The following USH2A variants were observed in gnomAD, a reference collection of about 807,000 sequenced individuals.
The protein encoded by USH2A is usherin.
Under a neutral mutation model 538.9 loss-of-function variants are expected in USH2A, and 443 were observed. The ratio of observed to expected loss-of-function variants is 0.82; its 90% CI spans 0.76 to 0.89. USH2A has a LOEUF of 0.89. USH2A is among the 40% of genes least tolerant of loss of function. USH2A has a pLI of 0.00. For synonymous variants in USH2A, 2,413 were observed against 2,273.5 expected (o/e 1.06, Z -1.75); for missense variants, 6,633 against 6,324.8 (o/e 1.05, Z -1.65).
intron 21 of USH2A, among the ~76,000 whole-genome samples, chr1:216,157,678 A>G (rs2033977093): frequency 6.6e-6 from 1 of 152,216 alleles, no homozygotes. Flanking sequence ...ACATGGATGC[A>G]GTTGGAGTTC....
chr1:215,677,219 T>C (rs1455681192), intron 62 of USH2A, among the ~76,000 whole-genome samples: 1 of 152,172 alleles, frequency 6.6e-6, no homozygotes, highest in South Asian at 2.1e-4. Flanking sequence ...GAAATATCTC[T>C]GTACCTACTG....
chr1:216,241,876 G>T (rs772513980), intron 13 of USH2A, among the ~76,000 whole-genome samples: 2 of 152,052 alleles, frequency 1.3e-5, no homozygotes, highest in Non-Finnish European at 2.9e-5. Flanking sequence ...AAGTACAGAC[G>T]CAACAAAACT....
At chr1:216,082,699 G>C (rs1165110843) in intron 26 of USH2A, among the ~76,000 whole-genome samples, 1 of 152,174 alleles carries the variant, frequency 6.6e-6, no homozygotes, top group Non-Finnish European at 1.5e-5. Context: ...ATTGTATTTA[G>C]AGAAATGTAT....
intron 71 of USH2A, among the ~76,000 whole-genome samples, 191 bp from the exon 72 acceptor site, chr1:215,626,061 A>G (rs568466252): frequency 4.6e-5 from 7 of 152,096 alleles, no homozygotes; most frequent in African/African-American, 1.7e-4. Context: ...TCACATGCAC[A>G]CATGAACTAT....
intron 61 of USH2A, among the ~76,000 whole-genome samples, chr1:215,681,512 G>A (rs1308971528): frequency 6.6e-6 from 1 of 152,148 alleles, no homozygotes; most frequent in Admixed American, 6.5e-5. Context: ...TTTCCTTGAT[G>A]AACAAGGGAA....
rs116312942 is a variant in USH2A at position 215,883,755 on chromosome 1, G to T, written c.8224-4657C>A. On this transcript the variant is annotated intron_variant, in intron 41 of 71. Coordinates refer to ENST00000307340, the MANE Select transcript of USH2A (RefSeq NM_206933.4). Reference sequence around the variant, plus strand: ...CTCTAGTTGGTTCCAATGACCATTTGTCTTTTTCATGCCAATACCATATTA... The same window carrying T: ...CTCTAGTTGGTTCCAATGACCATTTTTCTTTTTCATGCCAATACCATATTA... 8.6e-3 allele frequency among the ~76,000 whole-genome samples: 1,308 copies of T among 152,132 alleles called. 15 individuals carry two copies. The highest frequency in any genetic ancestry group is 0.029 in the African/African-American group (1,221 of 41,496).
At chr1:215,915,092 G>A (rs1437114264) in intron 38 of USH2A, among the ~76,000 whole-genome samples, 1 of 152,080 alleles carries the variant, frequency 6.6e-6, no homozygotes, top group East Asian at 1.9e-4. Context: ...ATAGTCCTAG[G>A]TGTGAAGTAG....
At chr1:216,220,259 A>T (rs1320162713) in intron 14 of USH2A, among the ~76,000 whole-genome samples, 1 of 151,858 alleles carries the variant, frequency 6.6e-6, no homozygotes, top group Non-Finnish European at 1.5e-5. Flanking sequence ...CATGGGTACT[A>T]TCAAATTGAT....
intron 4 of USH2A, among the ~76,000 whole-genome samples, chr1:216,338,404 G>A (rs1237235373): frequency 6.6e-6 from 1 of 151,388 alleles, no homozygotes; most frequent in African/African-American, 2.4e-5. Context: ...ACAAGAATGT[G>A]CCAATAAAGA....
At chr1:215,863,265 G>A (rs1664378733) in intron 44 of USH2A, among the ~76,000 whole-genome samples, 1 of 152,136 alleles carries the variant, frequency 6.6e-6, no homozygotes, top group African/African-American at 2.4e-5. Context: ...TACAACAGGT[G>A]CACAAGTGAC....
At chr1:216,287,996 G>A (rs183306284) in intron 11 of USH2A, among the ~76,000 whole-genome samples, 1 of 152,132 alleles carries the variant, frequency 6.6e-6, no homozygotes, top group African/African-American at 2.4e-5. Flanking sequence ...AAAGAGAGAA[G>A]AAGAAAAGTA....
chr1:216,312,665 C>CT (rs2037443170), intron 9 of USH2A, among the ~76,000 whole-genome samples: 2 of 152,090 alleles, frequency 1.3e-5, no homozygotes, highest in Admixed American at 1.3e-4. Flanking sequence ...TATCTTTCAG[C>CT]TTATATTGCC....
intron 32 of USH2A, among the ~76,000 whole-genome samples, chr1:216,014,074 A>C (rs1668643188): frequency 1.9e-5 from 2 of 104,414 alleles, no homozygotes; most frequent in Admixed American, 2.3e-4. Context: ...TTGAATAATA[A>C]AGCATGAAAA....
chr1:215,844,369 G>T lies in USH2A; in HGVS notation c.9183C>A (p.Leu3061=), dbSNP rs550185911. 6.2e-7 allele frequency: 1 copy of T among 1,613,800 alleles called. No homozygotes were observed. Among genetic ancestry groups the T allele is most frequent in the South Asian group, 1.1e-5 (1 of 91,080 alleles). ...TEYSIYVNNK[L]YKTGMNVPGS... is the part of the protein sequence containing the mutation. ...CAGGCACATTCATTCCAGTCTTGTA[G>T]AGCTTATTATTTACATAGATAGAAT... The change falls in exon 46 of 72, where the codon CTC becomes CTA. Residue 3061 remains leucine (L), a synonymous_variant. Coordinates refer to ENST00000307340, the MANE Select transcript of USH2A (RefSeq NM_206933.4).
At chr1:215,811,823 T>C (rs986966591) in intron 49 of USH2A, among the ~76,000 whole-genome samples, 4 of 151,454 alleles carry the variant, frequency 2.6e-5, no homozygotes, top group South Asian at 2.1e-4. Context: ...GGAGAATCGC[T>C]TGAACCTGGG....
At chr1:215,833,331 G>A (rs998301849) in intron 47 of USH2A, among the ~76,000 whole-genome samples, 24 of 151,850 alleles carry the variant, frequency 1.6e-4, no homozygotes, top group African/African-American at 5.3e-4. Context: ...AAGATTGTGC[G>A]ATATTGGTAT....
At chr1:216,069,992 C>A (rs2031502651) in intron 30 of USH2A, 109 bp downstream of exon 30, 2 of 1,280,522 alleles carry the variant, frequency 1.6e-6, no homozygotes, top group Non-Finnish European at 2.2e-6. Context: ...AGGTAAAATA[C>A]ATGTATATTT....
intron 19 of USH2A, among the ~76,000 whole-genome samples, chr1:216,193,666 C>T (rs541419403): frequency 6.6e-6 from 1 of 152,094 alleles, no homozygotes; most frequent in African/African-American, 2.4e-5. Flanking sequence ...CCAGAGGAGA[C>T]AGAGACACAG....
chr1:215,959,229 A>G (rs1667139693), intron 37 of USH2A, among the ~76,000 whole-genome samples: 1 of 152,118 alleles, frequency 6.6e-6, no homozygotes, highest in African/African-American at 2.4e-5. Flanking sequence ...AACCACCTAG[A>G]GATAACAGAT....
Sources: gnomAD v4.1 joint callset for allele counts (sites outside exome capture counted in the v4.1 genomes callset) on GRCh38, gnomAD v4.1.1 for gene constraint, MANE v1.5 for transcripts, NCBI Gene and HGNC (gene_info 2026-07-23, HGNC 2026-07-21) for gene names.